The following MFF variants were observed in gnomAD, a reference collection of about 807,000 sequenced individuals.
MFF encodes chromosome 2 open reading frame 33.
In MFF, 12 loss-of-function variants were observed where a neutral mutation model predicts 36.9. That is an observed-to-expected ratio of 0.33 (90% CI 0.21 to 0.53). MFF has a LOEUF of 0.53. Among genes scored for constraint, MFF ranks in the 20% least tolerant of loss-of-function variants. The probability of loss-of-function intolerance (pLI) is 0.95; values close to 1 mark genes in which losing one functional copy is unlikely to be tolerated. For missense variants in MFF, 348 were observed against 366.6 expected (o/e 0.95, Z 0.42); for synonymous variants, 99 against 126.2 (o/e 0.78, Z 1.44).
Position 227,352,545 on chromosome 2 carries a change from A to G in MFF, c.631A>G (p.Thr211Ala), listed in dbSNP as rs759946009. 2.5e-6 allele frequency: 4 copies of G among 1,613,794 alleles called. No individual in the cohort carries two copies. The highest frequency in any genetic ancestry group is 2.7e-5 in the African/African-American group (2 of 75,016). ...PVLRGGSAAA[T>A]SNPHHDNVRY... ...GTTGCGTGGTGGGTCTGCTGCCGCC[A>G]CTTCTAATCCTCATCATGACAACGT... is the stretch of plus-strand genomic sequence containing the variant. Residue 211 changes from threonine to alanine, a missense_variant, in exon 7 of 9, where the codon ACT (threonine) becomes GCT (alanine). Transcript: ENST00000304593.
At chr2:227,330,542 A>G (rs571523874) in intron 2 of MFF, 84 bp from the exon 3 acceptor site, 17 of 921,550 alleles carry the variant, frequency 1.8e-5, no homozygotes, top group African/African-American at 6.7e-5. Context: ...CGCTCTTTCT[A>G]TAAGGTATTG....
intron 7 of MFF, 57 bp from the exon 8 acceptor site, chr2:227,355,620 C>A: frequency 1.1e-6 from 1 of 902,690 alleles, no homozygotes; most frequent in Non-Finnish European, 1.8e-6. Context: ...ATGTGGCGTG[C>A]CATTTACTCT....
chr2:227,352,472 C>T (rs200654207), intron 6 of MFF, 42 bp from the exon 7 acceptor site: 4 of 1,456,634 alleles, frequency 2.7e-6, no homozygotes, highest in East Asian at 2.3e-5. Context: ...TCTCTGTTTC[C>T]TGATTCTGTC....
chr2:227,342,375 A>C (rs1462164530), intron 5 of MFF, among the ~76,000 whole-genome samples: 2 of 152,184 alleles, frequency 1.3e-5, no homozygotes, highest in Non-Finnish European at 2.9e-5. Flanking sequence ...TATAATGAAC[A>C]TATTATTCAG....
At position 227,352,649 on chromosome 2, in the gene MFF, G is replaced by A. The variant is rs180758930; in HGVS notation, c.659+76G>A. ...TGTGTTGCAGGGCATGTTGCATGTC[G>A]TAGCCATGCCTGTGTTTGTAGCTGA... On this transcript the variant is annotated intron_variant, in intron 7 of 8. Transcript: ENST00000304593. 50 of 1,145,096 alleles carry A rather than the reference G, an allele frequency of 4.4e-5. No individual in the cohort carries two copies. In the East Asian group the frequency reaches 7.4e-4, roughly 17 times the overall value. The allele number at this position is 1,145,096 out of a possible 1,614,324, so 70.9% of individuals were successfully genotyped here. A position where few individuals can be genotyped will look rare whatever the true frequency, so the allele number is the denominator to read the frequency against.
At chr2:227,332,219 G>A (rs961860554) in intron 3 of MFF, among the ~76,000 whole-genome samples, 200 bp from the exon 4 acceptor site, 7 of 151,754 alleles carry the variant, frequency 4.6e-5, no homozygotes, top group East Asian at 1.9e-4. Flanking sequence ...TGATCCGCCC[G>A]CCTCGGCCTC....
chr2:227,351,962 A>T (rs2076017740), intron 6 of MFF: 1 of 152,520 alleles, frequency 6.6e-6, no homozygotes, highest in Non-Finnish European at 1.5e-5. Context: ...TGAGAGTTTG[A>T]ATGAGACACA....
intron 2 of MFF, chr2:227,329,718 A>G (rs1199889447): frequency 1.4e-6 from 2 of 1,468,970 alleles, no homozygotes; most frequent in Non-Finnish European, 1.9e-6. Context: ...TTTAATAGCT[A>G]TTATAGACCT....
chr2:227,336,077 G>A (rs76427410), intron 4 of MFF, among the ~76,000 whole-genome samples: 16 of 152,332 alleles, frequency 1.1e-4, no homozygotes, highest in African/African-American at 1.9e-4. Context: ...AAAGGAATCC[G>A]AACTGGAGCC....
chr2:227,347,744 G>A (rs1176642054), intron 6 of MFF, among the ~76,000 whole-genome samples: 1 of 152,192 alleles, frequency 6.6e-6, no homozygotes, highest in African/African-American at 2.4e-5. Flanking sequence ...TTAGTCTTTT[G>A]ATTTAATCAT....
chr2:227,338,960 T>C (rs1369558460), intron 4 of MFF, among the ~76,000 whole-genome samples: 3 of 152,024 alleles, frequency 2.0e-5, no homozygotes, highest in South Asian at 4.1e-4. Context: ...CCCAACACTT[T>C]GGGAGGCCAA....
At chr2:227,346,071 G>A (rs1215606631) in intron 5 of MFF, among the ~76,000 whole-genome samples, 7 of 152,088 alleles carry the variant, frequency 4.6e-5, no homozygotes, top group Non-Finnish European at 8.8e-5. Flanking sequence ...GGGACTCTGG[G>A]AATAATATCA....
intron 8 of MFF, 73 bp downstream of exon 8, chr2:227,355,834 A>G: frequency 1.1e-6 from 1 of 913,682 alleles, no homozygotes; most frequent in Non-Finnish European, 1.8e-6. Context: ...AGTTCTCAAC[A>G]TTTTATTATT....
At chr2:227,329,307 G>T (rs922775882) in intron 2 of MFF, 2 of 178,458 alleles carry the variant, frequency 1.1e-5, no homozygotes, top group African/African-American at 4.8e-5. Flanking sequence ...GATTAGAGGA[G>T]TTTTATGGCA....
intron 6 of MFF, among the ~76,000 whole-genome samples, chr2:227,350,014 T>A (rs1184829412): frequency 6.6e-6 from 1 of 152,134 alleles, no homozygotes; most frequent in African/African-American, 2.4e-5. Context: ...TTCCTTGACA[T>A]AAGAACTGTG....
intron 5 of MFF, among the ~76,000 whole-genome samples, chr2:227,344,024 G>A (rs967130081): frequency 6.6e-6 from 1 of 152,160 alleles, no homozygotes; most frequent in African/African-American, 2.4e-5. Flanking sequence ...CTGACCTCAA[G>A]TGCTCTGCCC....
intron 2 of MFF, 81 bp from the exon 3 acceptor site, chr2:227,330,545 A>G: frequency 1.1e-6 from 1 of 938,020 alleles, no homozygotes; most frequent in Non-Finnish European, 1.6e-6. Context: ...TCTTTCTATA[A>G]GGTATTGTCT....
rs1559951663 is a variant in MFF at position 227,332,478 on chromosome 2, C to A, written c.241C>A (p.Pro81Thr). 1 of 1,613,484 alleles carries A rather than the reference C, an allele frequency of 6.2e-7. No homozygotes were observed. Among genetic ancestry groups the A allele is most frequent in the Non-Finnish European group, 8.5e-7 (1 of 1,179,564 alleles). The change falls in exon 4 of 9, where the codon CCC becomes ACC. Residue 81 changes from proline (P) to threonine (T), a missense_variant. Physicochemically the swap from Pro to Thr is conservative, Grantham distance 38. Coordinates refer to ENST00000304593, the MANE Select transcript of MFF (RefSeq NM_001277062.2). ...AGATCTTGACCTTATTCAGTCAACT[C>A]CCTTTAAACCCCTGGCACTGAAAAC... ...PADLDLIQST[P>T]FKPLALKTPP... is the part of the protein sequence containing the mutation.
chr2:227,326,914 T>C (rs1356294753), intron 1 of MFF, among the ~76,000 whole-genome samples: 1 of 152,192 alleles, frequency 6.6e-6, no homozygotes, highest in Admixed American at 6.5e-5. Flanking sequence ...AGTGTTCTAA[T>C]ACAGAAAATG....
Sources: allele counts gnomAD v4.1 joint callset (sites outside exome capture counted in the v4.1 genomes callset), GRCh38; gene constraint gnomAD v4.1.1; transcripts MANE v1.5; gene names NCBI Gene and HGNC (gene_info 2026-07-23, HGNC 2026-07-21).